SOX6: variants seen among roughly 807,000 people sequenced by gnomAD.
SOX6 encodes SRY-box transcription factor 6.
Under a neutral mutation model 97.8 loss-of-function variants are expected in SOX6, and 11 were observed. That is an observed-to-expected ratio of 0.11 (90% CI 0.07 to 0.19). The LOEUF is 0.19. SOX6 is among the 10% of genes least tolerant of loss of function. The probability of loss-of-function intolerance (pLI) is 1.00; values close to 1 mark genes in which losing one functional copy is unlikely to be tolerated. For missense variants in SOX6, 810 were observed against 1,039.5 expected (o/e 0.78, Z 3.04); for synonymous variants, 360 against 371.4 (o/e 0.97, Z 0.35).
At chr11:16,216,596 ATTC>A (rs1169093733) in intron 4 of SOX6, among the ~76,000 whole-genome samples, 15 of 139,872 alleles carry the variant, frequency 1.1e-4, no homozygotes, top group Non-Finnish European at 1.4e-4. Flanking sequence ...TCTTAAGCAA[ATTC>A]TTCTTTTCAG....
At chr11:15,993,901 G>C (rs189525261) in intron 13 of SOX6, among the ~76,000 whole-genome samples, 1 of 152,168 alleles carries the variant, frequency 6.6e-6, no homozygotes, top group Admixed American at 6.5e-5. Context: ...AGGCCCCTTC[G>C]TGGTTAAATT....
chr11:15,973,630 T>C (rs55776402), intron 15 of SOX6, among the ~76,000 whole-genome samples: 9,524 of 152,282 alleles, frequency 0.063, 981 homozygotes, highest in African/African-American at 0.22. Context: ...TTATTTGTTA[T>C]TCATGTAAAT....
intron 12 of SOX6, among the ~76,000 whole-genome samples, chr11:16,029,520 G>A (rs992582082): frequency 1.3e-5 from 2 of 151,874 alleles, no homozygotes; most frequent in Non-Finnish European, 2.9e-5. Flanking sequence ...CCTGTAATCC[G>A]AGGCACTCGG....
intron 9 of SOX6, among the ~76,000 whole-genome samples, chr11:16,061,349 C>G (rs899270126): frequency 6.8e-6 from 1 of 146,832 alleles, no homozygotes; most frequent in African/African-American, 2.5e-5. Context: ...GGTGAAAAAT[C>G]TGTACAAGGA....
At chr11:16,635,952 C>T (rs533559935) in intron 3 of SOX6, among the ~76,000 whole-genome samples, 1 of 152,316 alleles carries the variant, frequency 6.6e-6, no homozygotes, top group African/African-American at 2.4e-5. Context: ...GGCTAGATGT[C>T]CAAGCAGAGG....
rs1849713239 is a variant in SOX6, at chr11:16,130,460, T to TA, written c.778-18538dup. Among the ~76,000 whole-genome samples the TA allele has an allele frequency of 5.3e-5, 8 of 152,040 alleles. No homozygotes were observed. In the South Asian group the frequency reaches 1.7e-3, roughly 31 times the overall value. On this transcript the variant is annotated intron_variant, in intron 6 of 15. Transcript: ENST00000683767. Reference sequence around the variant, plus strand: ...AAAATAGCATATCATACACCATAAATATATACAATTTTTTGAAAATTACAA... The same window carrying TA: ...AAAATAGCATATCATACACCATAAATAATATACAATTTTTTGAAAATTACAA...
chr11:16,380,592 A>T, intron 1 of SOX6, among the ~76,000 whole-genome samples: 1 of 152,158 alleles, frequency 6.6e-6, no homozygotes, highest in East Asian at 1.9e-4. Flanking sequence ...CTGCCAAAAC[A>T]GGCACAAATA....
intron 12 of SOX6, among the ~76,000 whole-genome samples, chr11:16,044,302 A>G (rs1590154763): frequency 2.0e-5 from 3 of 152,278 alleles, no homozygotes; most frequent in African/African-American, 7.2e-5. Flanking sequence ...ACCACAAAAA[A>G]TTACCTACAA....
intron 1 of SOX6, among the ~76,000 whole-genome samples, chr11:16,367,739 C>T (rs1401847008): frequency 6.6e-6 from 1 of 152,060 alleles, no homozygotes; most frequent in Non-Finnish European, 1.5e-5. Context: ...CAAAATGGCG[C>T]AATGGCTAAA....
At chr11:16,138,507 C>T (rs969315421) in intron 6 of SOX6, among the ~76,000 whole-genome samples, 8 of 151,722 alleles carry the variant, frequency 5.3e-5, no homozygotes, top group Non-Finnish European at 1.2e-4. Flanking sequence ...ATCTTTATAA[C>T]CTTAAAAATT....
intron 4 of SOX6, among the ~76,000 whole-genome samples, chr11:16,559,113 C>T (rs1847779868): frequency 6.6e-6 from 1 of 151,996 alleles, no homozygotes; most frequent in Admixed American, 6.6e-5. Context: ...TGTTAATGAA[C>T]TTGCTGTATG....
chr11:16,416,106 G>A (rs1375608452), intron 1 of SOX6, among the ~76,000 whole-genome samples: 2 of 152,176 alleles, frequency 1.3e-5, no homozygotes, highest in Non-Finnish European at 2.9e-5. Context: ...TAGGCTAATA[G>A]AGCACTAGAG....
intron 4 of SOX6, among the ~76,000 whole-genome samples, chr11:16,525,121 GA>G (rs1462516012): frequency 2.6e-5 from 4 of 152,170 alleles, no homozygotes; most frequent in South Asian, 2.1e-4. Context: ...CACAGAATTG[GA>G]AAAAACTACT....
At chr11:16,601,291 C>G (rs1289957961) in intron 4 of SOX6, among the ~76,000 whole-genome samples, 1 of 152,134 alleles carries the variant, frequency 6.6e-6, no homozygotes, top group Admixed American at 6.5e-5. Context: ...TGCAAAACAT[C>G]TTGCTGTAAG....
At chr11:16,030,400 G>A (rs1590143242) in intron 12 of SOX6, among the ~76,000 whole-genome samples, 1 of 152,062 alleles carries the variant, frequency 6.6e-6, no homozygotes, top group South Asian at 2.1e-4. Flanking sequence ...ATTGTCTATT[G>A]TTCTAAACAG....
chr11:16,521,770 A>C (rs1453168459), intron 4 of SOX6, among the ~76,000 whole-genome samples: 1 of 152,196 alleles, frequency 6.6e-6, no homozygotes, highest in Non-Finnish European at 1.5e-5. Context: ...GAACCAATAC[A>C]GAGAAGTGCT....
intron 9 of SOX6, among the ~76,000 whole-genome samples, chr11:16,083,006 T>C (rs1848503324): frequency 6.6e-6 from 1 of 152,124 alleles, no homozygotes; most frequent in African/African-American, 2.4e-5. Context: ...CTGGAGTGCT[T>C]TTTCTCTTCT....
intron 6 of SOX6, among the ~76,000 whole-genome samples, chr11:16,130,387 G>T (rs1849710897): frequency 6.6e-6 from 1 of 152,040 alleles, no homozygotes; most frequent in Non-Finnish European, 1.5e-5. Context: ...TGATGGGTAG[G>T]TTAATTTGCT....
intron 4 of SOX6, among the ~76,000 whole-genome samples, chr11:16,488,343 T>C (rs1404892138): frequency 2.0e-5 from 3 of 152,152 alleles, no homozygotes; most frequent in Non-Finnish European, 2.9e-5. Flanking sequence ...TGTAAAACTA[T>C]ATAATCTCAC....
Sources: allele counts gnomAD v4.1 joint callset (sites outside exome capture counted in the v4.1 genomes callset), GRCh38; gene constraint gnomAD v4.1.1; transcripts MANE v1.5; gene names NCBI Gene and HGNC (gene_info 2026-07-23, HGNC 2026-07-21).